Variants in ADK observed in about 807,000 individuals in gnomAD.
The protein encoded by ADK is N6,N6-dimethyladenosine kinase.
ADK carries 24 observed loss-of-function variants against 44.7 expected under a neutral mutation model. That is an observed-to-expected ratio of 0.54 (90% confidence interval 0.39 to 0.76). ADK has a LOEUF of 0.76. Among genes scored for constraint, ADK ranks in the 30% least tolerant of loss-of-function variants. ADK has a pLI of 0.00. For synonymous variants in ADK, 128 were observed against 142.6 expected (o/e 0.90, Z 0.73); for missense variants, 321 against 425.1 (o/e 0.76, Z 2.15).
At chr10:74,703,221 C>T (rs1468451955) in intron 10 of ADK, among the ~76,000 whole-genome samples, 2 of 152,152 alleles carry the variant, frequency 1.3e-5, no homozygotes, top group African/African-American at 4.8e-5. Flanking sequence ...GTGGCTCACA[C>T]CTGTAATCCC....
intron 9 of ADK, among the ~76,000 whole-genome samples, chr10:74,652,050 CT>C (rs1162009549): frequency 1.2e-3 from 163 of 140,326 alleles, no homozygotes; most frequent in Non-Finnish European, 1.1e-3. Context: ...TTCTTTCTTT[CT>C]TTTTTTTTTT....
At chr10:74,207,551 T>A (rs1465804941) in intron 2 of ADK, among the ~76,000 whole-genome samples, 2 of 152,150 alleles carry the variant, frequency 1.3e-5, no homozygotes, top group African/African-American at 2.4e-5. Context: ...TGCAGGCAGG[T>A]CGTCCTGACA....
At chr10:74,417,894 A>G (rs2132999397) in intron 6 of ADK, among the ~76,000 whole-genome samples, 1 of 152,274 alleles carries the variant, frequency 6.6e-6, no homozygotes, top group South Asian at 2.1e-4. Context: ...ACTCACGTGC[A>G]CAATATATCA....
intron 10 of ADK, among the ~76,000 whole-genome samples, chr10:74,676,436 T>C (rs1855394191): frequency 6.6e-6 from 1 of 152,010 alleles, no homozygotes; most frequent in African/African-American, 2.4e-5. Flanking sequence ...GGCCAGAATA[T>C]TTTATTTGGA....
rs1186178638 is a variant in ADK at position 74,320,842 on chromosome 10, A to G, written c.273+6097A>G. ...GTTTCACATGCTTTCTTCACTTCTT[A>G]CTGTCTTCTTCAATTTGGGAGTAAT... is the stretch of plus-strand genomic sequence containing the variant. On this transcript the variant is annotated intron_variant, in intron 4 of 10. Coordinates refer to ENST00000539909, the MANE Select transcript of ADK (RefSeq NM_006721.4). 3.3e-5 allele frequency among the ~76,000 whole-genome samples: 5 copies of G among 152,242 alleles called. No individual in the cohort carries two copies. The South Asian group carries it at 6.2e-4, about 19-fold the overall frequency.
chr10:74,178,388 A>G (rs1380017726), intron 1 of ADK, among the ~76,000 whole-genome samples: 1 of 152,250 alleles, frequency 6.6e-6, no homozygotes, highest in Non-Finnish European at 1.5e-5. Context: ...TAAAGCTAAC[A>G]GTATTTTAGG....
At chr10:74,570,244 C>A (rs1314929541) in intron 7 of ADK, among the ~76,000 whole-genome samples, 3 of 152,180 alleles carry the variant, frequency 2.0e-5, no homozygotes, top group Non-Finnish European at 4.4e-5. Context: ...TTAGGATTGA[C>A]TTGGCGATGC....
chr10:74,648,792 G>GT (rs1854148241), intron 9 of ADK, among the ~76,000 whole-genome samples: 1 of 152,124 alleles, frequency 6.6e-6, no homozygotes, highest in Non-Finnish European at 1.5e-5. Context: ...TAAGAGCAAG[G>GT]TTTTTTATAC....
chr10:74,242,742 CTA>C (rs900573921), intron 3 of ADK, among the ~76,000 whole-genome samples: 5 of 152,300 alleles, frequency 3.3e-5, no homozygotes, highest in African/African-American at 1.2e-4. Context: ...CCAAAGCTAC[CTA>C]TGGCCTGCCC....
intron 6 of ADK, among the ~76,000 whole-genome samples, chr10:74,474,089 AT>A (rs1846717704): frequency 6.6e-6 from 1 of 151,996 alleles, no homozygotes; most frequent in Non-Finnish European, 1.5e-5. Flanking sequence ...TTTAAGGAAG[AT>A]TTGTCTCTTT....
chr10:74,348,930 ATGAT>A (rs1471099944), intron 4 of ADK, among the ~76,000 whole-genome samples: 2 of 152,148 alleles, frequency 1.3e-5, no homozygotes, highest in Non-Finnish European at 2.9e-5. Flanking sequence ...GACCAAACCT[ATGAT>A]TGATTGGTGT....
intron 3 of ADK, among the ~76,000 whole-genome samples, chr10:74,258,983 C>T (rs1359121258): frequency 1.0e-4 from 13 of 130,546 alleles, no homozygotes; most frequent in Non-Finnish European, 3.1e-5. Flanking sequence ...ACGGAGTCTC[C>T]CTGTGTCGCC....
intron 10 of ADK, among the ~76,000 whole-genome samples, chr10:74,702,277 G>A (rs58073123): frequency 0.08 from 12,144 of 151,132 alleles, 731 homozygotes; most frequent in African/African-American, 0.14. Context: ...TCTGCATCCC[G>A]GATTCAAGCG....
chr10:74,338,037 A>G (rs1449085105), intron 4 of ADK, among the ~76,000 whole-genome samples: 1 of 152,056 alleles, frequency 6.6e-6, no homozygotes, highest in African/African-American at 2.4e-5. Flanking sequence ...CAGCTTCCTA[A>G]AGTGCTGGGA....
At chr10:74,595,933 G>A (rs927496956) in intron 8 of ADK, among the ~76,000 whole-genome samples, 15 of 144,324 alleles carry the variant, frequency 1.0e-4, no homozygotes, top group African/African-American at 3.9e-4. Context: ...GGAGGCAGAG[G>A]TTGCAGTGAG....
intron 1 of ADK, among the ~76,000 whole-genome samples, chr10:74,179,351 A>T (rs1038637026): frequency 4.6e-5 from 7 of 152,176 alleles, no homozygotes; most frequent in African/African-American, 1.4e-4. Flanking sequence ...GGGTAAAATA[A>T]GGCTGAGACC....
chr10:74,421,906 ATGTATAAAT>A (rs1289615219), intron 6 of ADK, among the ~76,000 whole-genome samples: 1 of 152,226 alleles, frequency 6.6e-6, no homozygotes, highest in Non-Finnish European at 1.5e-5. Flanking sequence ...TCACAGTGTT[ATGTATAAAT>A]TGTATAAATA....
chr10:74,216,651 G>C (rs780531509), intron 2 of ADK, among the ~76,000 whole-genome samples: 1 of 150,506 alleles, frequency 6.6e-6, no homozygotes, highest in African/African-American at 2.5e-5. Context: ...CTTGAACCCA[G>C]CAGGCAGAGG....
At chr10:74,416,038 AC>A (rs1844361153) in intron 6 of ADK, among the ~76,000 whole-genome samples, 1 of 23,228 alleles carries the variant, frequency 4.3e-5, no homozygotes, top group Non-Finnish European at 2.3e-4. Flanking sequence ...ATATATACAC[AC>A]ACACACACAC....
Sources: allele counts gnomAD v4.1 joint callset (sites outside exome capture counted in the v4.1 genomes callset), GRCh38; gene constraint gnomAD v4.1.1; transcripts MANE v1.5; gene names NCBI Gene and HGNC (gene_info 2026-07-23, HGNC 2026-07-21).